The following GSE1 variants were observed in gnomAD, a reference collection of about 807,000 sequenced individuals.
GSE1 encodes Gse1 coiled-coil protein, also known as genetic suppressor element 1.
A neutral mutation model predicts 112.6 loss-of-function variants in GSE1; 32 were observed. The ratio of observed to expected loss-of-function variants is 0.28; its 90% CI spans 0.21 to 0.38. The LOEUF is 0.38. GSE1 is among the 10% of genes least tolerant of loss of function. GSE1 has a pLI of 1.00. For synonymous variants in GSE1, 1,115 were observed against 735.6 expected (o/e 1.52, Z -8.35); for missense variants, 2,348 against 1,699.2 (o/e 1.38, Z -6.71).
At chr16:85,641,755 A>C (rs1433801244) in intron 2 of GSE1, among the ~76,000 whole-genome samples, 1 of 152,162 alleles carries the variant, frequency 6.6e-6, no homozygotes, top group Non-Finnish European at 1.5e-5. Flanking sequence ...TTCCCGTTCC[A>C]CTGGGCAGAT....
rs541233053 is a variant in GSE1 at position 85,353,325 on chromosome 16, G to A, written c.2284-4138G>A. ...TACGCACCTTCCTATACAAGTTCGTGTGCGGATGGCTGGATGTTTTCAGTT... is the reference window on the plus strand; with the variant it reads ...TACGCACCTTCCTATACAAGTTCGTATGCGGATGGCTGGATGTTTTCAGTT... On this transcript the variant is annotated intron_variant, in intron 1 of 2. Coordinates refer to the GSE1 transcript ENST00000637419. 4.6e-5 allele frequency among the ~76,000 whole-genome samples: 7 copies of A among 152,354 alleles called. No individual in the cohort carries two copies. The South Asian group carries it at 1.0e-3, about 23-fold the overall frequency.
intron 1 of GSE1, among the ~76,000 whole-genome samples, chr16:85,272,469 A>G (rs1908937785): frequency 6.6e-6 from 1 of 152,004 alleles, no homozygotes; most frequent in Admixed American, 6.5e-5. Flanking sequence ...TTTTGGTGAG[A>G]TCTTTCTACA....
At chr16:85,524,039 G>T (rs907423096) in intron 2 of GSE1, among the ~76,000 whole-genome samples, 1 of 152,174 alleles carries the variant, frequency 6.6e-6, no homozygotes, top group Non-Finnish European at 1.5e-5. Flanking sequence ...CCTGTCTCCC[G>T]GGTGGTGGGG....
At chr16:85,420,452 T>C (rs978231588) in intron 2 of GSE1, among the ~76,000 whole-genome samples, 6 of 152,044 alleles carry the variant, frequency 3.9e-5, no homozygotes, top group Non-Finnish European at 7.4e-5. Flanking sequence ...TTGTCCTCCC[T>C]CCCCATCGCC....
intron 2 of GSE1, among the ~76,000 whole-genome samples, chr16:85,477,394 G>A (rs1434897240): frequency 6.6e-6 from 1 of 152,052 alleles, no homozygotes; most frequent in Non-Finnish European, 1.5e-5. Context: ...CTTCCTGTGT[G>A]TGCTGCCCAC....
At chr16:85,297,257 T>C (rs1398036111) in intron 1 of GSE1, among the ~76,000 whole-genome samples, 2 of 152,106 alleles carry the variant, frequency 1.3e-5, no homozygotes, top group Non-Finnish European at 2.9e-5. Flanking sequence ...TCAGTGGGCG[T>C]TGAAAATTGG....
At chr16:85,612,305 C>T (rs929232070), upstream of GSE1, among the ~76,000 whole-genome samples, 12 of 151,980 alleles carry the variant, frequency 7.9e-5, no homozygotes, top group African/African-American at 2.4e-4. Context: ...GGCCTTCAGT[C>T]CCTCTCCGCG....
At chr16:85,176,183 T>G (rs980066496) in intron 1 of GSE1, among the ~76,000 whole-genome samples, 1 of 152,212 alleles carries the variant, frequency 6.6e-6, no homozygotes, top group Non-Finnish European at 1.5e-5. Context: ...GAGACTCTGT[T>G]GCCCTGGCTG....
intron 1 of GSE1, among the ~76,000 whole-genome samples, chr16:85,287,290 G>A (rs900754): frequency 0.023 from 3,547 of 152,320 alleles, 124 homozygotes; most frequent in African/African-American, 0.081. Flanking sequence ...CTGACGCATG[G>A]GGCCGGAGCA....
In GSE1 at chr16:85,274,114, G is replaced by A. The variant is rs557473751; in HGVS notation, c.2284-83349G>A. On this transcript the variant is annotated intron_variant, in intron 1 of 2. Transcript: ENST00000637419. Reference sequence around the variant, plus strand: ...AAATGGGCAATTGTAGGCTGGGCACGGAGGCTCACTCCTGTAATCCCAGCA... The same window carrying A: ...AAATGGGCAATTGTAGGCTGGGCACAGAGGCTCACTCCTGTAATCCCAGCA... Among the ~76,000 whole-genome samples, 80 of 151,860 alleles carry A rather than the reference G, an allele frequency of 5.3e-4. 1 individual carries two copies. Among genetic ancestry groups the A allele is most frequent in the African/African-American group, 1.6e-3 (67 of 41,406 alleles).
chr16:85,569,697 G>A (rs1190944537), intron 1 of GSE1, among the ~76,000 whole-genome samples: 1 of 152,218 alleles, frequency 6.6e-6, no homozygotes, highest in East Asian at 1.9e-4. Context: ...ATATGCGGAT[G>A]ACTGCCGTCT....
chr16:85,255,492 A>G (rs1461999684), intron 1 of GSE1, among the ~76,000 whole-genome samples: 1 of 150,796 alleles, frequency 6.6e-6, no homozygotes, highest in African/African-American at 2.4e-5. Flanking sequence ...GTTCACTGCA[A>G]CTTTTGCCTC....
At chr16:85,578,456 C>T (rs1466165966) in intron 1 of GSE1, among the ~76,000 whole-genome samples, 2 of 152,214 alleles carry the variant, frequency 1.3e-5, no homozygotes, top group Non-Finnish European at 1.5e-5. Context: ...CAGAGAGCTT[C>T]TCCCCCGCCC....
chr16:85,194,521 A>G (rs1267394494), intron 1 of GSE1, among the ~76,000 whole-genome samples: 1 of 152,196 alleles, frequency 6.6e-6, no homozygotes, highest in Non-Finnish European at 1.5e-5. Flanking sequence ...GTTTTTGAGC[A>G]GGAGATGACT....
intron 1 of GSE1, among the ~76,000 whole-genome samples, chr16:85,603,166 T>C (rs1185878657): frequency 6.6e-6 from 1 of 152,156 alleles, no homozygotes; most frequent in Non-Finnish European, 1.5e-5. Flanking sequence ...GAATTGTCAG[T>C]GAGGACAAAA....
chr16:85,222,443 G>A (rs115937266), intron 1 of GSE1, among the ~76,000 whole-genome samples: 1,715 of 152,282 alleles, frequency 0.011, 39 homozygotes, highest in African/African-American at 0.04. Flanking sequence ...TTATCTTCAT[G>A]GTCCAGTGCC....
chr16:85,499,887 C>A (rs1367952771), intron 2 of GSE1, among the ~76,000 whole-genome samples: 1 of 152,164 alleles, frequency 6.6e-6, no homozygotes, highest in African/African-American at 2.4e-5. Flanking sequence ...TGGGAAAAAC[C>A]TTTTTGGAAA....
At chr16:85,654,497 C>A in intron 4 of GSE1, 47 bp downstream of exon 4, 6 of 1,497,144 alleles carry the variant, frequency 4.0e-6, no homozygotes, top group African/African-American at 1.4e-5. Flanking sequence ...GGTGGGGACA[C>A]AGTGCTCAGG....
In GSE1 at chr16:85,338,417, C is replaced by T. The variant is rs58068094; in HGVS notation, c.2284-19046C>T. On this transcript the variant is annotated intron_variant, in intron 1 of 2. Coordinates refer to the GSE1 transcript ENST00000637419. ...TGACAGCGTATGTGTGCAGAGCTGG[C>T]TCTGTGTGACGTGAGGCAGCTGACT... Among the ~76,000 whole-genome samples, 615 of 152,276 alleles carry T rather than the reference C, an allele frequency of 4.0e-3. 4 individuals carry two copies. Among genetic ancestry groups the T allele is most frequent in the African/African-American group, 0.014 (584 of 41,568 alleles).
Sources: allele counts gnomAD v4.1 joint callset (sites outside exome capture counted in the v4.1 genomes callset), GRCh38; gene constraint gnomAD v4.1.1; transcripts MANE v1.5; gene names NCBI Gene and HGNC (gene_info 2026-07-23, HGNC 2026-07-21).